Variants in TRIM2 observed in about 807,000 individuals in gnomAD.
The protein encoded by TRIM2 is tripartite motif containing 2.
In TRIM2, 20 loss-of-function variants were observed where a neutral mutation model predicts 75.2. The observed-to-expected ratio is 0.27, with a 90% CI of 0.19 to 0.39. The LOEUF (loss-of-function observed/expected upper bound fraction) is 0.39, where lower values mean the gene tolerates loss of function less well. TRIM2 is among the 10% of genes least tolerant of loss of function. The probability of loss-of-function intolerance (pLI) is 1.00; values close to 1 mark genes in which losing one functional copy is unlikely to be tolerated. For synonymous variants in TRIM2, 373 were observed against 388.3 expected (o/e 0.96, Z 0.46); for missense variants, 660 against 990.8 (o/e 0.67, Z 4.48).
chr4:153,288,932 TA>T (rs1761261306), intron 3 of TRIM2, among the ~76,000 whole-genome samples: 1 of 152,274 alleles, frequency 6.6e-6, no homozygotes, highest in African/African-American at 2.4e-5. Context: ...ATTTGGCTTT[TA>T]AAAAATAATT....
At chr4:153,179,543 C>T (rs1403851069) in intron 1 of TRIM2, among the ~76,000 whole-genome samples, 4 of 152,110 alleles carry the variant, frequency 2.6e-5, no homozygotes, top group African/African-American at 7.2e-5. Context: ...TACCAAGACA[C>T]GCTTTTGGAT....
intron 1 of TRIM2, among the ~76,000 whole-genome samples, chr4:153,205,728 T>G (rs1735229280): frequency 1.3e-5 from 2 of 152,202 alleles, no homozygotes; most frequent in Non-Finnish European, 2.9e-5. Flanking sequence ...CCAAATTCCC[T>G]CAACTTGTAT....
At chr4:153,283,818 A>G (rs1198656330) in intron 3 of TRIM2, among the ~76,000 whole-genome samples, 1 of 122,846 alleles carries the variant, frequency 8.1e-6, no homozygotes, top group Non-Finnish European at 1.7e-5. Context: ...TTGTATTTTT[A>G]GTAGAGACGG....
At chr4:153,221,448 C>A (rs970446210) in intron 1 of TRIM2, among the ~76,000 whole-genome samples, 8 of 151,952 alleles carry the variant, frequency 5.3e-5, no homozygotes, top group East Asian at 1.9e-4. Flanking sequence ...AACAAAAAAA[C>A]CAAACAAATG....
intron 1 of TRIM2, among the ~76,000 whole-genome samples, chr4:153,235,459 T>C (rs1043616385): frequency 4.0e-5 from 6 of 151,898 alleles, no homozygotes; most frequent in Non-Finnish European, 8.8e-5. Context: ...TAATTTTTTG[T>C]ATTTTTCATA....
At chr4:153,197,525 G>C (rs1397297326) in intron 1 of TRIM2, among the ~76,000 whole-genome samples, 10 of 152,144 alleles carry the variant, frequency 6.6e-5, no homozygotes. Context: ...TTAGGAGGTG[G>C]GGCGTTTGGG....
At chr4:153,299,477 A>T (rs1172849249) in intron 6 of TRIM2, among the ~76,000 whole-genome samples, 1 of 152,196 alleles carries the variant, frequency 6.6e-6, no homozygotes, top group Non-Finnish European at 1.5e-5. Flanking sequence ...ACAGTGCTGC[A>T]GTGAAACATG....
intron 3 of TRIM2, among the ~76,000 whole-genome samples, chr4:153,290,431 AT>A (rs1278433784): frequency 6.6e-6 from 1 of 152,198 alleles, no homozygotes; most frequent in African/African-American, 2.4e-5. Flanking sequence ...CACTGGGGAA[AT>A]CCCTTGGAAG....
intron 1 of TRIM2, chr4:153,222,240 C>T (rs1370404275): frequency 2.0e-5 from 3 of 152,010 alleles, no homozygotes; most frequent in Admixed American, 6.6e-5. Flanking sequence ...CGCTCACATT[C>T]AGGAGCTGTG....
chr4:153,244,498 C>T (rs1454294839), intron 1 of TRIM2, among the ~76,000 whole-genome samples: 1 of 146,992 alleles, frequency 6.8e-6, no homozygotes. Flanking sequence ...TGGGCTCAAG[C>T]AATCCTCCTG....
chr4:153,213,663 G>T (rs898266768), intron 1 of TRIM2, among the ~76,000 whole-genome samples: 2 of 152,174 alleles, frequency 1.3e-5, no homozygotes, highest in Non-Finnish European at 2.9e-5. Flanking sequence ...AAGTAGCTGG[G>T]ATTACAGGTG....
chr4:153,284,194 T>C (rs1234836795), intron 3 of TRIM2, among the ~76,000 whole-genome samples: 1 of 150,158 alleles, frequency 6.7e-6, no homozygotes, highest in African/African-American at 2.5e-5. Context: ...TTTTTTGTTT[T>C]GTTTTTTGTT....
At chr4:153,230,646 T>C (rs1206962386) in intron 1 of TRIM2, among the ~76,000 whole-genome samples, 1 of 152,214 alleles carries the variant, frequency 6.6e-6, no homozygotes, top group Admixed American at 6.5e-5. Flanking sequence ...CTGCATGCCT[T>C]AAGGGAGATT....
At chr4:153,173,074 G>A (rs1356402275) in intron 1 of TRIM2, among the ~76,000 whole-genome samples, 1 of 152,194 alleles carries the variant, frequency 6.6e-6, no homozygotes, top group Non-Finnish European at 1.5e-5. Context: ...ATGGGGATGT[G>A]GCTGGAGTCC....
At chr4:153,172,684 G>A (rs1731007257) in intron 1 of TRIM2, among the ~76,000 whole-genome samples, 1 of 152,214 alleles carries the variant, frequency 6.6e-6, no homozygotes, top group Admixed American at 6.5e-5. Context: ...CTGCTGGAAA[G>A]TGATGAGTGG....
intron 1 of TRIM2, among the ~76,000 whole-genome samples, chr4:153,229,455 G>T (rs1743030125): frequency 6.6e-6 from 1 of 152,064 alleles, no homozygotes. Flanking sequence ...ACAGGGTTTT[G>T]CCGTGTTGCC....
intron 1 of TRIM2, among the ~76,000 whole-genome samples, chr4:153,191,233 T>A (rs1733156935): frequency 6.6e-6 from 1 of 152,230 alleles, no homozygotes. Flanking sequence ...AGTCCAATGA[T>A]GGGCTTAGTT....
At chr4:153,244,408 CTTCTTCTTCT>C (rs1748322539) in intron 1 of TRIM2, among the ~76,000 whole-genome samples, 1 of 89,916 alleles carries the variant, frequency 1.1e-5, no homozygotes, top group Non-Finnish European at 2.0e-5. Context: ...TCTTCTTCTT[CTTCTTCTTCT>C]TCTTCTTCTT....
At chr4:153,215,243 G>A (rs1228756308) in intron 1 of TRIM2, among the ~76,000 whole-genome samples, 2 of 152,126 alleles carry the variant, frequency 1.3e-5, no homozygotes, top group East Asian at 3.8e-4. Context: ...ACTGGGAACT[G>A]ATTACTGAGA....
Sources: allele counts gnomAD v4.1 joint callset (sites outside exome capture counted in the v4.1 genomes callset), GRCh38; gene constraint gnomAD v4.1.1; transcripts MANE v1.5; gene names NCBI Gene and HGNC (gene_info 2026-07-23, HGNC 2026-07-21).